PTPRG: variants seen among roughly 807,000 people sequenced by gnomAD.
PTPRG encodes the protein protein tyrosine phosphatase receptor type G.
Under a neutral mutation model 165.3 loss-of-function variants are expected in PTPRG, and 102 were observed. The observed-to-expected ratio is 0.62, with a 90% CI of 0.53 to 0.73. PTPRG has a LOEUF of 0.73. Ranked by LOEUF, PTPRG falls within the 30% of genes least tolerant of loss-of-function variation. The pLI, the probability that PTPRG is intolerant of heterozygous loss-of-function variation, is 0.00. For missense variants in PTPRG, 1,866 were observed against 1,861.4 expected (o/e 1.00, Z -0.05); for synonymous variants, 675 against 669.5 (o/e 1.01, Z -0.13).
chr3:61,787,059 A>G (rs2034725437), intron 2 of PTPRG, among the ~76,000 whole-genome samples: 3 of 152,180 alleles, frequency 2.0e-5, no homozygotes, highest in African/African-American at 7.2e-5. Context: ...AACGTAGGCT[A>G]AAAGAATCGC....
At chr3:61,907,755 T>C (rs1413381839) in intron 2 of PTPRG, among the ~76,000 whole-genome samples, 1 of 152,076 alleles carries the variant, frequency 6.6e-6, no homozygotes, top group Admixed American at 6.5e-5. Context: ...TTCTCAATTG[T>C]GGTAAAGCTA....
rs150563738 is a variant in PTPRG, at chr3:61,998,669, C to T, written c.371-4680C>T. The stretch of plus-strand genomic sequence containing the variant: ...GACCTCCAGAGCCCATAGGTAGCCA[C>T]GGCTATGGACTGTTGGCCTCTAGGT... On this transcript the variant is annotated intron_variant, in intron 3 of 29. Coordinates refer to ENST00000474889, the MANE Select transcript of PTPRG (RefSeq NM_002841.4). 5.3e-3 allele frequency among the ~76,000 whole-genome samples: 800 copies of T among 152,338 alleles called. 4 individuals are homozygous for T. Among genetic ancestry groups the T allele is most frequent in the African/African-American group, 0.018 (754 of 41,592 alleles).
chr3:61,667,686 TC>T (rs1335530927), intron 1 of PTPRG, among the ~76,000 whole-genome samples: 1 of 151,962 alleles, frequency 6.6e-6, no homozygotes, highest in African/African-American at 2.4e-5. Context: ...ACACCTGCAG[TC>T]CCAGGTACTT....
intron 7 of PTPRG, among the ~76,000 whole-genome samples, chr3:62,164,823 G>C (rs1428896502): frequency 6.6e-6 from 1 of 152,186 alleles, no homozygotes; most frequent in Non-Finnish European, 1.5e-5. Context: ...TGCTGGCTCT[G>C]AAAGAAGCAA....
intron 1 of PTPRG, among the ~76,000 whole-genome samples, chr3:61,629,416 A>G (rs1701705464): frequency 6.6e-6 from 1 of 152,188 alleles, no homozygotes; most frequent in Non-Finnish European, 1.5e-5. Flanking sequence ...GGTCTCCTAA[A>G]GTGCCGAGAT....
chr3:62,150,646 A>C (rs1296549060), intron 6 of PTPRG, among the ~76,000 whole-genome samples: 1 of 152,132 alleles, frequency 6.6e-6, no homozygotes, highest in Non-Finnish European at 1.5e-5. Flanking sequence ...TTAGGCATTT[A>C]AGGAAAAGTT....
At chr3:61,934,874 T>C (rs1176150269) in intron 2 of PTPRG, among the ~76,000 whole-genome samples, 1 of 152,194 alleles carries the variant, frequency 6.6e-6, no homozygotes, top group Non-Finnish European at 1.5e-5. Context: ...CTGTTGTGTA[T>C]CATGCCCCTG....
intron 1 of PTPRG, among the ~76,000 whole-genome samples, chr3:61,733,785 C>T (rs1319189417): frequency 6.6e-6 from 1 of 152,076 alleles, no homozygotes; most frequent in East Asian, 1.9e-4. Flanking sequence ...GATTGATCAA[C>T]TCTTCACTTT....
chr3:62,186,940 C>G (rs966969236), intron 8 of PTPRG, among the ~76,000 whole-genome samples: 1 of 152,150 alleles, frequency 6.6e-6, no homozygotes, highest in Non-Finnish European at 1.5e-5. Context: ...AGATGGCAAG[C>G]CATGAGGCTG....
At chr3:61,612,134 G>A (rs1246713619) in intron 1 of PTPRG, among the ~76,000 whole-genome samples, 2 of 152,064 alleles carry the variant, frequency 1.3e-5, no homozygotes, top group East Asian at 3.9e-4. Context: ...GTAGAGACAG[G>A]GTTTCACCTT....
rs72298352 is a variant in PTPRG, at chr3:61,921,117, C to CTCCTTCCTTCCT, written c.191-68473_191-68462dup. 8.0e-3 allele frequency among the ~76,000 whole-genome samples: 1,183 copies of CTCCTTCCTTCCT among 148,606 alleles called. 21 individuals are homozygous for CTCCTTCCTTCCT. The highest frequency in any genetic ancestry group is 0.024 in the African/African-American group (945 of 39,872). The stretch of plus-strand genomic sequence containing the variant: ...CTTCCATCCATCTCCTTCCATCCAT[C>CTCCTTCCTTCCT]TCCTTCCTTCCTTCCTTCCTTCCTT... On this transcript the variant is annotated intron_variant, in intron 2 of 29. Coordinates refer to ENST00000474889, the MANE Select transcript of PTPRG (RefSeq NM_002841.4).
chr3:61,691,679 T>C (rs2106659945), intron 1 of PTPRG, among the ~76,000 whole-genome samples: 2 of 152,368 alleles, frequency 1.3e-5, no homozygotes, highest in South Asian at 4.1e-4. Flanking sequence ...TTATACACTA[T>C]GGATAAACAA....
chr3:61,733,580 T>C (rs1385986609), intron 1 of PTPRG, among the ~76,000 whole-genome samples: 1 of 152,238 alleles, frequency 6.6e-6, no homozygotes, highest in Non-Finnish European at 1.5e-5. Flanking sequence ...CCAGCACCAT[T>C]ACTCATTTTC....
chr3:61,706,585 C>T (rs948915217), intron 1 of PTPRG, among the ~76,000 whole-genome samples: 1 of 151,764 alleles, frequency 6.6e-6, no homozygotes, highest in Non-Finnish European at 1.5e-5. Context: ...CCTCCGCCTC[C>T]GGGGTTCAAG....
chr3:61,996,038 A>G (rs552010776), intron 3 of PTPRG, among the ~76,000 whole-genome samples: 1 of 152,092 alleles, frequency 6.6e-6, no homozygotes, highest in South Asian at 2.1e-4. Context: ...CCTTGCTCCT[A>G]GCATTGGCCC....
chr3:61,791,118 T>G (rs1242105018), intron 2 of PTPRG, among the ~76,000 whole-genome samples: 1 of 152,222 alleles, frequency 6.6e-6, no homozygotes, highest in Non-Finnish European at 1.5e-5. Flanking sequence ...TAATTTTTAT[T>G]ATTTGACTTG....
intron 1 of PTPRG, among the ~76,000 whole-genome samples, chr3:61,744,195 G>A (rs533025262): frequency 6.6e-6 from 1 of 152,182 alleles, no homozygotes; most frequent in African/African-American, 2.4e-5. Flanking sequence ...TTTGACTGCT[G>A]TTCAAATAAT....
intron 4 of PTPRG, among the ~76,000 whole-genome samples, chr3:62,014,511 A>G (rs2041495343): frequency 6.6e-6 from 1 of 152,206 alleles, no homozygotes; most frequent in Non-Finnish European, 1.5e-5. Flanking sequence ...AGCTATTACC[A>G]CACAGATAGA....
intron 6 of PTPRG, among the ~76,000 whole-genome samples, chr3:62,134,800 A>G (rs1248925532): frequency 6.6e-6 from 1 of 152,224 alleles, no homozygotes; most frequent in African/African-American, 2.4e-5. Flanking sequence ...TAGTCAAATG[A>G]CTGAATCAAG....
Sources: allele counts gnomAD v4.1 joint callset (sites outside exome capture counted in the v4.1 genomes callset), GRCh38; gene constraint gnomAD v4.1.1; transcripts MANE v1.5; gene names NCBI Gene and HGNC (gene_info 2026-07-23, HGNC 2026-07-21).